ROBO1: variants seen among roughly 807,000 people sequenced by gnomAD.
ROBO1 encodes the protein roundabout homolog 1.
In ROBO1, 149 loss-of-function variants were observed where a neutral mutation model predicts 195.9. That is an observed-to-expected ratio of 0.76 (90% CI 0.67 to 0.87). The LOEUF is 0.87. Ranked by LOEUF, ROBO1 falls within the 40% of genes least tolerant of loss-of-function variation. The pLI is 0.00. For synonymous variants in ROBO1, 816 were observed against 733.2 expected, an observed-to-expected ratio of 1.11 and a Z score of -1.82; for missense variants, 1,933 against 2,068.3, an observed-to-expected ratio of 0.93 and a Z score of 1.27.
rs1305535580 is a variant in ROBO1 at position 79,522,311 on chromosome 3, G to A, written c.88+67513C>T. Among the ~76,000 whole-genome samples, 4 of 144,980 alleles carry A rather than the reference G, an allele frequency of 2.8e-5. No individual in the cohort carries two copies. In the South Asian group the frequency reaches 8.7e-4, roughly 32 times the overall value. ...ACAGACCATGGTCTTTTATACCACT[G>A]TCTTTCCCAAGACTGTTACTTTTTT... On this transcript the variant is annotated intron_variant, in intron 2 of 30. Coordinates refer to ENST00000464233, the MANE Select transcript of ROBO1 (RefSeq NM_002941.4).
chr3:79,666,203 C>A (rs1560082847), intron 1 of ROBO1, among the ~76,000 whole-genome samples: 3 of 151,808 alleles, frequency 2.0e-5, no homozygotes, highest in African/African-American at 7.2e-5. Flanking sequence ...TTAATTTATA[C>A]AATCTGGCTA....
At chr3:79,594,362 A>G (rs977280356) in intron 1 of ROBO1, among the ~76,000 whole-genome samples, 2 of 152,074 alleles carry the variant, frequency 1.3e-5, no homozygotes, top group Non-Finnish European at 2.9e-5. Context: ...ATGTGTACAT[A>G]AAGTGCCTAT....
At chr3:78,983,996 T>G (rs1318494867) in intron 3 of ROBO1, among the ~76,000 whole-genome samples, 1 of 152,174 alleles carries the variant, frequency 6.6e-6, no homozygotes, top group Admixed American at 6.5e-5. Context: ...TTAGGAGAAT[T>G]CATGCTATTC....
intron 1 of ROBO1, among the ~76,000 whole-genome samples, chr3:79,749,749 G>A (rs1023800243): frequency 2.0e-5 from 3 of 152,182 alleles, no homozygotes; most frequent in African/African-American, 4.8e-5. Context: ...AATAATTGAC[G>A]TTTGGGAACC....
chr3:78,782,952 A>G (rs1373475092), intron 4 of ROBO1, among the ~76,000 whole-genome samples: 1 of 152,196 alleles, frequency 6.6e-6, no homozygotes, highest in Admixed American at 6.6e-5. Flanking sequence ...TTCCATAAAT[A>G]GTTATTGATT....
intron 2 of ROBO1, among the ~76,000 whole-genome samples, chr3:79,342,707 C>T (rs2034956580): frequency 1.3e-5 from 2 of 151,796 alleles, no homozygotes; most frequent in African/African-American, 4.8e-5. Context: ...ACACAGGGCT[C>T]GGGAAAAATA....
At chr3:79,316,759 T>A (rs750428465) in intron 2 of ROBO1, among the ~76,000 whole-genome samples, 7 of 151,872 alleles carry the variant, frequency 4.6e-5, no homozygotes, top group Non-Finnish European at 8.8e-5. Context: ...TTTACTTATT[T>A]GCATTTTTTT....
chr3:79,069,880 T>C (rs1407453512), intron 3 of ROBO1, among the ~76,000 whole-genome samples: 2 of 151,890 alleles, frequency 1.3e-5, no homozygotes, highest in Admixed American at 1.3e-4. Flanking sequence ...CTTGGAGATA[T>C]TCCTGCAATC....
chr3:78,721,730 C>G (rs1370361435), intron 5 of ROBO1, among the ~76,000 whole-genome samples: 2 of 152,078 alleles, frequency 1.3e-5, no homozygotes, highest in African/African-American at 4.8e-5. Context: ...TAATTTGCAA[C>G]AGCTTAGATT....
intron 3 of ROBO1, among the ~76,000 whole-genome samples, chr3:79,031,954 T>A (rs2078303229): frequency 6.6e-6 from 1 of 152,134 alleles, no homozygotes; most frequent in East Asian, 1.9e-4. Flanking sequence ...ATAGTATTTT[T>A]AAAACCCAAT....
chr3:78,767,547 T>C (rs931371404), intron 4 of ROBO1, among the ~76,000 whole-genome samples: 3 of 152,208 alleles, frequency 2.0e-5, no homozygotes, highest in African/African-American at 7.2e-5. Context: ...ATTACAGGCA[T>C]GAGCCACTGT....
intron 2 of ROBO1, among the ~76,000 whole-genome samples, chr3:79,413,555 T>A (rs1266907300): frequency 6.6e-6 from 1 of 152,042 alleles, no homozygotes; most frequent in Non-Finnish European, 1.5e-5. Context: ...AGATTCAGGA[T>A]TGCTAGATGT....
chr3:79,300,429 T>C (rs1404867670), intron 2 of ROBO1, among the ~76,000 whole-genome samples: 4 of 152,220 alleles, frequency 2.6e-5, no homozygotes, highest in Non-Finnish European at 5.9e-5. Flanking sequence ...GCGCTCGATT[T>C]CTCACTGGGC....
chr3:79,645,188 G>A (rs1299204148), intron 1 of ROBO1, among the ~76,000 whole-genome samples: 1 of 151,894 alleles, frequency 6.6e-6, no homozygotes, highest in Admixed American at 6.6e-5. Flanking sequence ...CAAAATTAGT[G>A]GAAAAGAAGA....
intron 22 of ROBO1, among the ~76,000 whole-genome samples, chr3:78,638,697 T>C (rs1309680639): frequency 6.6e-6 from 1 of 151,770 alleles, no homozygotes. Context: ...TAGCAAGACC[T>C]GCATCTCTAC....
At chr3:79,283,301 G>A (rs1364662666) in intron 2 of ROBO1, among the ~76,000 whole-genome samples, 1 of 152,168 alleles carries the variant, frequency 6.6e-6, no homozygotes, top group Non-Finnish European at 1.5e-5. Context: ...GGGATCAGTC[G>A]TACCCCAAAC....
chr3:79,745,594 T>A (rs978439514), intron 1 of ROBO1, among the ~76,000 whole-genome samples: 16 of 152,174 alleles, frequency 1.1e-4, no homozygotes, highest in African/African-American at 3.9e-4. Context: ...TTAGCCTTTT[T>A]TCTTTATTTT....
intron 3 of ROBO1, among the ~76,000 whole-genome samples, chr3:79,064,406 T>G (rs574144008): frequency 3.3e-5 from 5 of 152,110 alleles, no homozygotes; most frequent in Admixed American, 3.3e-4. Context: ...TCCTGACTGC[T>G]AATCAATATA....
At chr3:79,287,567 T>C (rs2031963924) in intron 2 of ROBO1, among the ~76,000 whole-genome samples, 1 of 152,184 alleles carries the variant, frequency 6.6e-6, no homozygotes, top group Non-Finnish European at 1.5e-5. Context: ...CAATGACTAG[T>C]TATCCCCATC....
Sources: gnomAD v4.1 joint callset for allele counts (sites outside exome capture counted in the v4.1 genomes callset) on GRCh38, gnomAD v4.1.1 for gene constraint, MANE v1.5 for transcripts, NCBI Gene and HGNC (gene_info 2026-07-23, HGNC 2026-07-21) for gene names.